NEGR1: variants seen among roughly 807,000 people sequenced by gnomAD.
NEGR1 encodes the protein neuronal growth regulator 1.
A neutral mutation model predicts 40.9 loss-of-function variants in NEGR1; 10 were observed. The ratio of observed to expected loss-of-function variants is 0.24; its 90% CI spans 0.15 to 0.42. The LOEUF (loss-of-function observed/expected upper bound fraction) is 0.42. NEGR1 is among the 10% of genes least tolerant of loss of function. The pLI, the probability that NEGR1 is intolerant of heterozygous loss-of-function variation, is 1.00. For missense variants in NEGR1, 352 were observed against 438.9 expected (o/e 0.80, Z 1.77); for synonymous variants, 185 against 166.8 (o/e 1.11, Z -0.84).
rs386367303 is a variant in NEGR1, at chr1:71,602,238, C to CTTT, written c.788+8785_788+8787dup. 9.6e-4 allele frequency among the ~76,000 whole-genome samples: 62 copies of CTTT among 64,568 alleles called. 5 individuals carry two copies. Among genetic ancestry groups the CTTT allele is most frequent in the Non-Finnish European group, 1.3e-3 (50 of 37,254 alleles). The allele number at this position is 64,568 out of a possible 152,430, so 42.4% of individuals were successfully genotyped here. A position where few individuals can be genotyped will look rare whatever the true frequency, so the allele number is the denominator to read the frequency against. Reference sequence around the variant, plus strand: ...CGTTCTTCTCTTGCCCATGATTATTCTTTTTTTTTTTTTTTTTTTTTTTTT... The same window carrying CTTT: ...CGTTCTTCTCTTGCCCATGATTATTCTTTTTTTTTTTTTTTTTTTTTTTTTTTT... On this transcript the variant is annotated intron_variant, in intron 5 of 6. Transcript: ENST00000357731.
At chr1:72,028,285 T>A (rs143149479) in intron 1 of NEGR1, among the ~76,000 whole-genome samples, 1 of 152,296 alleles carries the variant, frequency 6.6e-6, no homozygotes, top group Admixed American at 6.5e-5. Context: ...CTCTGTGTCA[T>A]CCTTGCTTTA....
intron 1 of NEGR1, among the ~76,000 whole-genome samples, chr1:71,997,395 A>G (rs1646514124): frequency 1.3e-5 from 2 of 152,020 alleles, no homozygotes; most frequent in African/African-American, 4.8e-5. Flanking sequence ...CACCAATTAT[A>G]CTGCAATGCC....
At chr1:71,429,455 A>T (rs558690869) in intron 6 of NEGR1, among the ~76,000 whole-genome samples, 1 of 152,278 alleles carries the variant, frequency 6.6e-6, no homozygotes, top group South Asian at 2.1e-4. Context: ...GGCTTGAATC[A>T]AACTTCTTTT....
intron 6 of NEGR1, among the ~76,000 whole-genome samples, chr1:71,408,399 G>A (rs1157554099): frequency 2.0e-5 from 3 of 151,864 alleles, no homozygotes; most frequent in Non-Finnish European, 2.9e-5. Flanking sequence ...TTGGAGAGTT[G>A]AATGTATGAC....
chr1:71,660,254 T>C (rs993766755), intron 4 of NEGR1, among the ~76,000 whole-genome samples: 3 of 152,136 alleles, frequency 2.0e-5, no homozygotes, highest in East Asian at 1.9e-4. Flanking sequence ...ATGTTCTTAC[T>C]TGTAAGTGAG....
At chr1:71,552,311 A>ATT (rs1031951374) in intron 6 of NEGR1, among the ~76,000 whole-genome samples, 3 of 149,668 alleles carry the variant, frequency 2.0e-5, no homozygotes, top group Admixed American at 6.7e-5. Context: ...TGGCCCTTCT[A>ATT]TTATATATAT....
intron 1 of NEGR1, among the ~76,000 whole-genome samples, chr1:72,012,439 A>G (rs1646665349): frequency 6.6e-6 from 1 of 152,012 alleles, no homozygotes. Flanking sequence ...AGTTTCTGTT[A>G]TTGGTGCCAA....
intron 4 of NEGR1, among the ~76,000 whole-genome samples, chr1:71,627,746 G>T (rs1157936149): frequency 6.6e-6 from 1 of 152,014 alleles, no homozygotes; most frequent in Non-Finnish European, 1.5e-5. Flanking sequence ...GTTTTCCAAA[G>T]TTATTCATTC....
At chr1:71,424,589 C>T (rs971399521) in intron 6 of NEGR1, among the ~76,000 whole-genome samples, 6 of 152,268 alleles carry the variant, frequency 3.9e-5, no homozygotes, top group Non-Finnish European at 8.8e-5. Flanking sequence ...GGGCCTACCC[C>T]AGTTACATGA....
intron 1 of NEGR1, among the ~76,000 whole-genome samples, chr1:72,053,854 AC>A (rs1647085544): frequency 7.4e-6 from 1 of 135,186 alleles, no homozygotes; most frequent in African/African-American, 2.8e-5. Flanking sequence ...AAAAACGAAC[AC>A]TTTTTTGTAT....
intron 6 of NEGR1, among the ~76,000 whole-genome samples, chr1:71,542,623 CT>C (rs1294435902): frequency 6.6e-6 from 1 of 151,660 alleles, no homozygotes; most frequent in Non-Finnish European, 1.5e-5. Context: ...AATTAGAAGC[CT>C]GGCCTTTTCA....
chr1:71,826,204 T>C (rs1450494673), intron 2 of NEGR1, among the ~76,000 whole-genome samples: 3 of 151,958 alleles, frequency 2.0e-5, no homozygotes, highest in African/African-American at 7.2e-5. Context: ...ATACATTGAA[T>C]GAACATATGC....
chr1:71,865,746 T>G (rs1240483065), intron 2 of NEGR1, among the ~76,000 whole-genome samples: 10 of 152,156 alleles, frequency 6.6e-5, no homozygotes, highest in Non-Finnish European at 1.3e-4. Flanking sequence ...AACTTAAGTA[T>G]ATTAAAAAAG....
chr1:71,634,824 A>T (rs1247170623), intron 4 of NEGR1, among the ~76,000 whole-genome samples: 2 of 152,120 alleles, frequency 1.3e-5, no homozygotes, highest in Non-Finnish European at 2.9e-5. Flanking sequence ...AGATATTATT[A>T]ACAAGTAAAA....
At chr1:71,923,266 C>T (rs1406881124) in intron 2 of NEGR1, among the ~76,000 whole-genome samples, 3 of 152,006 alleles carry the variant, frequency 2.0e-5, no homozygotes, top group Non-Finnish European at 4.4e-5. Flanking sequence ...GGGTGATTTT[C>T]GCCCCAGCAG....
At chr1:72,026,110 CAAAAAAAAAAAAAAAAAAAAA>C (rs1172589239) in intron 1 of NEGR1, among the ~76,000 whole-genome samples, 3 of 31,140 alleles carry the variant, frequency 9.6e-5, no homozygotes, top group Non-Finnish European at 1.9e-4. Context: ...GACTCCGTCT[CAAAAAAAAAAAAAAAAAAAAA>C]AAAAAAAAAA....
In NEGR1 at chr1:71,804,843, A is replaced by C. The variant is rs1657695540; in HGVS notation, c.410-28546T>G. Among the ~76,000 whole-genome samples the C allele has an allele frequency of 2.6e-5, 4 of 152,190 alleles. No homozygotes were observed. In the South Asian group the frequency reaches 8.3e-4, roughly 32 times the overall value. ...AAAGAACAGGATAACAGCAATGATA[A>C]GGGAACAAGAGAGATAACCTTAAAC... On this transcript the variant is annotated intron_variant, in intron 2 of 6. Transcript: ENST00000357731.
intron 2 of NEGR1, among the ~76,000 whole-genome samples, chr1:71,854,461 A>G (rs1257794515): frequency 6.6e-6 from 1 of 152,144 alleles, no homozygotes; most frequent in Non-Finnish European, 1.5e-5. Context: ...TATTTAGAAG[A>G]TATTTTTTAA....
At chr1:71,977,773 CAAA>C (rs35651349) in intron 1 of NEGR1, among the ~76,000 whole-genome samples, 32 of 86,490 alleles carry the variant, frequency 3.7e-4, no homozygotes, top group Non-Finnish European at 5.3e-4. Flanking sequence ...AAGTAGAAGT[CAAA>C]AAAAAAAAAA....
Sources: allele counts gnomAD v4.1 joint callset (sites outside exome capture counted in the v4.1 genomes callset), GRCh38; gene constraint gnomAD v4.1.1; transcripts MANE v1.5; gene names NCBI Gene and HGNC (gene_info 2026-07-23, HGNC 2026-07-21).